Variants in CATSPERG observed in about 807,000 individuals in gnomAD.
CATSPERG encodes the protein catsper channel auxiliary subunit gamma.
Under a neutral mutation model 145.0 loss-of-function variants are expected in CATSPERG, and 115 were observed. The observed-to-expected ratio is 0.79, with a 90% CI of 0.68 to 0.93. The LOEUF is 0.93. CATSPERG is among the 40% of genes least tolerant of loss of function. The pLI, the probability that CATSPERG is intolerant of heterozygous loss-of-function variation, is 0.00. For missense variants in CATSPERG, 1,296 were observed against 1,490.1 expected, an observed-to-expected ratio of 0.87 and a Z score of 2.14; for synonymous variants, 588 against 589.0, an observed-to-expected ratio of 1.00 and a Z score of 0.02.
intron 26 of CATSPERG, among the ~76,000 whole-genome samples, chr19:38,368,959 G>A (rs976340929): frequency 4.6e-5 from 7 of 151,952 alleles, no homozygotes; most frequent in South Asian, 2.1e-4. Flanking sequence ...CACCATGCCC[G>A]GTTAATTTTT....
At chr19:38,369,708 G>A in intron 26 of CATSPERG, 2 of 527,172 alleles carry the variant, frequency 3.8e-6, no homozygotes, top group South Asian at 4.1e-5. Context: ...TAGATACACA[G>A]CCTGTAATCT....
In CATSPERG at chr19:38,370,358, C is replaced by T; in HGVS notation, c.3213+100C>T. On this transcript the variant is annotated intron_variant, in intron 28 of 28. Transcript: ENST00000409235. ...TCGCTCATTCATTCCTTTATTCACTCATCTAGCCATGCTGACTGAACGCCT... is the reference window on the plus strand; with the variant it reads ...TCGCTCATTCATTCCTTTATTCACTTATCTAGCCATGCTGACTGAACGCCT... 2.1e-6 allele frequency: 3 copies of T among 1,402,522 alleles called. No individual in the cohort carries two copies. The South Asian group carries it at 3.5e-5, about 17-fold the overall frequency. 86.9% of individuals were successfully genotyped at this position (1,402,522 alleles called of 1,614,324 possible).
At chr19:38,347,888 C>G (rs1970066715) in intron 7 of CATSPERG, among the ~76,000 whole-genome samples, 1 of 151,500 alleles carries the variant, frequency 6.6e-6, no homozygotes, top group Non-Finnish European at 1.5e-5. Context: ...TTGCAGTGAG[C>G]CAAGATCGTA....
intron 16 of CATSPERG, 68 bp from the exon 17 acceptor site, chr19:38,361,580 G>C (rs1334953253): frequency 1.6e-6 from 2 of 1,277,282 alleles, no homozygotes; most frequent in African/African-American, 2.9e-5. Context: ...TGGGAAAGAG[G>C]CCTGCGGAAG....
At chr19:38,358,246 A>G (rs1479252058) in intron 11 of CATSPERG, 32 bp from the exon 12 acceptor site, 2 of 1,610,554 alleles carry the variant, frequency 1.2e-6, no homozygotes, top group Admixed American at 1.7e-5. Context: ...GCAGGGCCTC[A>G]GGAGATTTTG....
chr19:38,365,703 TTTTTTG>T (rs938319276), intron 22 of CATSPERG: 2 of 151,216 alleles, frequency 1.3e-5, no homozygotes, highest in African/African-American at 2.4e-5. Context: ...GGGCCGTTTT[TTTTTTG>T]TTTTTTGTTT....
rs201051739 is a variant in CATSPERG at position 38,370,150 on chromosome 19, C to T, written c.3114-9C>T. On this transcript the variant is annotated splice_polypyrimidine_tract_variant and intron_variant, in intron 27 of 28. Coordinates refer to ENST00000409235, the MANE Select transcript of CATSPERG (RefSeq NM_021185.5). Reference sequence around the variant, plus strand: ...CCTCTAATCCTGGATCCCCTCCCAACCCCTGCAGAGGAGTGGACACGAGCA... The same window carrying T: ...CCTCTAATCCTGGATCCCCTCCCAATCCCTGCAGAGGAGTGGACACGAGCA... 2.5e-4 allele frequency: 399 copies of T among 1,613,822 alleles called. 1 individual carries two copies. The highest frequency in any genetic ancestry group is 5.3e-5 in the Non-Finnish European group (63 of 1,179,900).
At position 38,365,077 on chromosome 19, in the gene CATSPERG, G is replaced by A; in HGVS notation, c.2573G>A (p.Gly858Glu). The A allele has an allele frequency of 6.2e-7, 1 of 1,613,854 alleles. No individual in the cohort carries two copies. Among genetic ancestry groups the A allele is most frequent in the South Asian group, 1.1e-5 (1 of 91,066 alleles). The part of the protein sequence containing the change: ...SMTVNVVGSS[G>E]LCFQETHLGP... Reference sequence around the variant, plus strand: ...TACCCACAGGTGGTGGGTTCATCCGGGCTCTGCTTCCAGGAAACACACCTG... The same window carrying A: ...TACCCACAGGTGGTGGGTTCATCCGAGCTCTGCTTCCAGGAAACACACCTG... The change falls in exon 22 of 29, where the codon GGG (glycine) becomes GAG (glutamate). Residue 858 changes from glycine (G) to glutamate (E), a missense_variant. Gly to Glu is a moderately conservative substitution (Grantham distance 98). Transcript: ENST00000409235.
chr19:38,337,037 G>T (rs148052916), intron 1 of CATSPERG, 184 bp from the exon 2 acceptor site: 62 of 694,542 alleles, frequency 8.9e-5, no homozygotes, highest in Non-Finnish European at 1.3e-4. Flanking sequence ...AAGTCCGTGC[G>T]GGGGCAGGGC....
At chr19:38,341,092 G>C (rs972170802) in intron 3 of CATSPERG, among the ~76,000 whole-genome samples, 1 of 152,204 alleles carries the variant, frequency 6.6e-6, no homozygotes. Flanking sequence ...GGACTTTGTG[G>C]CTGGAGCAGA....
Position 38,359,548 on chromosome 19 carries a change from T to A in CATSPERG, c.1575T>A (p.Arg525=). 6.2e-7 allele frequency: 1 copy of A among 1,613,592 alleles called. No individual in the cohort carries two copies. Among genetic ancestry groups the A allele is most frequent in the Non-Finnish European group, 8.5e-7 (1 of 1,179,704 alleles). The change falls in exon 14 of 29, where the codon CGT becomes CGA. Residue 525 remains arginine, a synonymous_variant. Coordinates refer to ENST00000409235, the MANE Select transcript of CATSPERG (RefSeq NM_021185.5). ...TCAAATACATGGCCAGATCGTTCCG[T>A]GGGGCTGTGGCTATTGTCACAGAGA... ...LSIKYMARSF[R]GAVAIVTETE... is the part of the protein sequence containing the mutation.
chr19:38,342,365 C>T (rs1178640397), intron 3 of CATSPERG, among the ~76,000 whole-genome samples: 1 of 151,792 alleles, frequency 6.6e-6, no homozygotes, highest in South Asian at 2.1e-4. Context: ...TTTGGGAGGC[C>T]GAAGCGCGCA....
intron 3 of CATSPERG, 130 bp downstream of exon 3, chr19:38,337,776 T>C: frequency 1.2e-6 from 1 of 820,226 alleles, no homozygotes. Flanking sequence ...TGGAGTGCAG[T>C]GGCGCGATCT....
intron 7 of CATSPERG, among the ~76,000 whole-genome samples, chr19:38,347,383 AAAAC>A (rs1462422812): frequency 2.0e-5 from 3 of 152,126 alleles, no homozygotes; most frequent in Admixed American, 6.5e-5. Context: ...GTCTCAAAGA[AAAAC>A]AAAAAAAAAA....
At chr19:38,339,536 C>T (rs1969902195) in intron 3 of CATSPERG, among the ~76,000 whole-genome samples, 1 of 152,166 alleles carries the variant, frequency 6.6e-6, no homozygotes, top group Non-Finnish European at 1.5e-5. Flanking sequence ...GCAATCTCGG[C>T]ACACTGCAGT....
intron 6 of CATSPERG, among the ~76,000 whole-genome samples, chr19:38,345,927 C>A (rs1476178003): frequency 1.3e-5 from 2 of 152,190 alleles, no homozygotes; most frequent in Non-Finnish European, 2.9e-5. Flanking sequence ...AACACACAGA[C>A]CCAAATCTCT....
rs781523846 is a variant in CATSPERG, at chr19:38,362,224, G to A, written c.2109G>A (p.Pro703=). The A allele has an allele frequency of 2.5e-6, 4 of 1,604,574 alleles. No homozygotes were observed. The South Asian group carries it at 4.4e-5, about 18-fold the overall frequency. ...HSVYDKPYAD[P]VHDPTWRWWA... ...GATCCCTGCAGCCGTACGCGGACCC[G>A]GTGCACGACCCCACCTGGCGCTGGT... Residue 703 remains proline (P), a synonymous_variant, in exon 18 of 29, where the codon CCG becomes CCA. Transcript: ENST00000409235.
chr19:38,360,351 G>C (rs1171925683), intron 14 of CATSPERG, 138 bp from the exon 15 acceptor site: 7 of 1,448,800 alleles, frequency 4.8e-6, no homozygotes, highest in South Asian at 2.9e-5. Flanking sequence ...AGGAAGGGGA[G>C]CGCCCTTGGT....
Position 38,368,129 on chromosome 19 carries a change from A to G in CATSPERG, c.3012A>G (p.Pro1004=). ...SAFHIMSHES[P]GIEWLCLENA... ...TTCACATCATGTCCCACGAGAGCCCAGGCATCGAGTGAGTGCGTAGCCTGG... is the reference window on the plus strand; with the variant it reads ...TTCACATCATGTCCCACGAGAGCCCGGGCATCGAGTGAGTGCGTAGCCTGG... The change falls in exon 26 of 29, where the codon CCA becomes CCG. Residue 1004 remains proline (P), a synonymous_variant. Transcript: ENST00000409235. 1 of 1,614,106 alleles carries G rather than the reference A, an allele frequency of 6.2e-7. No homozygotes were observed. The highest frequency in any genetic ancestry group is 8.5e-7 in the Non-Finnish European group (1 of 1,179,992).
Sources: gnomAD v4.1 joint callset for allele counts (sites outside exome capture counted in the v4.1 genomes callset) on GRCh38, gnomAD v4.1.1 for gene constraint, MANE v1.5 for transcripts, NCBI Gene and HGNC (gene_info 2026-07-23, HGNC 2026-07-21) for gene names.